Variants in CNTN1 observed in about 807,000 individuals in gnomAD.
CNTN1 encodes the protein contactin 1.
CNTN1 carries 38 observed loss-of-function variants against 126.4 expected under a neutral mutation model. The observed-to-expected ratio is 0.30, with a 90% CI of 0.23 to 0.39. CNTN1 has a LOEUF of 0.39. Ranked by LOEUF, CNTN1 falls within the 10% of genes least tolerant of loss-of-function variation. CNTN1 has a pLI of 1.00. For missense variants in CNTN1, 1,009 were observed against 1,248.4 expected (o/e 0.81, Z 2.89); for synonymous variants, 413 against 422.6 (o/e 0.98, Z 0.28).
chr12:40,983,533 T>C (rs1947875021), intron 16 of CNTN1, among the ~76,000 whole-genome samples: 1 of 151,432 alleles, frequency 6.6e-6, no homozygotes, highest in Non-Finnish European at 1.5e-5. Context: ...AATCCTGCTC[T>C]GAAGGGAAGT....
chr12:41,019,133 G>A (rs34324342), intron 19 of CNTN1, among the ~76,000 whole-genome samples: 150 of 152,222 alleles, frequency 9.9e-4, no homozygotes, highest in Non-Finnish European at 1.8e-3. Flanking sequence ...TCCAGCCTGG[G>A]CAACAAGAGC....
chr12:41,050,425 G>T (rs1949647325), intron 23 of CNTN1, among the ~76,000 whole-genome samples: 1 of 152,116 alleles, frequency 6.6e-6, no homozygotes, highest in African/African-American at 2.4e-5. Flanking sequence ...AAGCACATTT[G>T]CACACAGTGG....
intron 23 of CNTN1, among the ~76,000 whole-genome samples, chr12:41,053,634 C>T (rs1949738023): frequency 6.7e-6 from 1 of 150,316 alleles, no homozygotes; most frequent in Admixed American, 6.6e-5. Context: ...TGCTTTTGCT[C>T]CTGGGACTGA....
chr12:41,039,706 C>A (rs1251985790), intron 23 of CNTN1, among the ~76,000 whole-genome samples: 3 of 151,950 alleles, frequency 2.0e-5, no homozygotes, highest in Non-Finnish European at 2.9e-5. Context: ...ATTTGCAATG[C>A]ATACCAGCCT....
At position 40,922,715 on chromosome 12, in the gene CNTN1, G is replaced by C. The variant is rs150587172; in HGVS notation, c.400+287G>C. ...AGGCTGGGCGCGGTGGCTCACACCT[G>C]TAATCCCAGCACTTTGGGAGGCTGA... On this transcript the variant is annotated intron_variant, in intron 5 of 23. Coordinates refer to ENST00000551295, the MANE Select transcript of CNTN1 (RefSeq NM_001843.4). Among the ~76,000 whole-genome samples the C allele has an allele frequency of 7.0e-3, 1,067 of 152,242 alleles. 13 individuals carry two copies. Among genetic ancestry groups the C allele is most frequent in the African/African-American group, 0.024 (1,018 of 41,554 alleles).
In CNTN1 at chr12:40,970,596, ACT is replaced by A. The variant is rs201786083; in HGVS notation, c.1805-10310_1805-10309del. 1.0e-3 allele frequency among the ~76,000 whole-genome samples: 153 copies of A among 152,110 alleles called. 1 individual carries two copies. The East Asian group carries it at 0.017, about 17-fold the overall frequency. On this transcript the variant is annotated intron_variant, in intron 15 of 23. Transcript: ENST00000551295. ...GCGTAGGGGAATGAGGTAGGTGATCACTCTGTTAATTACATGGTTTTCTATAA... is the reference window on the plus strand; with the variant it reads ...GCGTAGGGGAATGAGGTAGGTGATCACTGTTAATTACATGGTTTTCTATAA...
chr12:40,949,031 C>T (rs771454794), intron 14 of CNTN1, among the ~76,000 whole-genome samples: 7 of 151,978 alleles, frequency 4.6e-5, no homozygotes, highest in Non-Finnish European at 1.0e-4. Context: ...CTCACCCAAA[C>T]GTTATTTTCC....
intron 1 of CNTN1, among the ~76,000 whole-genome samples, chr12:40,744,881 T>C (rs1938116804): frequency 6.6e-6 from 1 of 152,146 alleles, no homozygotes; most frequent in South Asian, 2.1e-4. Flanking sequence ...AATTACTGTT[T>C]TGGAGAACAT....
intron 15 of CNTN1, among the ~76,000 whole-genome samples, chr12:40,965,712 A>G (rs1947281211): frequency 6.6e-6 from 1 of 152,122 alleles, no homozygotes; most frequent in Non-Finnish European, 1.5e-5. Context: ...GCCATGTGAA[A>G]AGTTTGTGTA....
At chr12:40,694,302 T>C (rs1941390200) in intron 1 of CNTN1, among the ~76,000 whole-genome samples, 1 of 152,230 alleles carries the variant, frequency 6.6e-6, no homozygotes, top group East Asian at 1.9e-4. Context: ...TCATATCACA[T>C]CTATTTGTAC....
chr12:40,726,004 T>C (rs1942343158), intron 1 of CNTN1, among the ~76,000 whole-genome samples: 1 of 152,024 alleles, frequency 6.6e-6, no homozygotes, highest in Non-Finnish European at 1.5e-5. Context: ...AGTCAGCATT[T>C]GTGTAGTAAT....
chr12:40,897,335 C>T (rs992296989), intron 1 of CNTN1, among the ~76,000 whole-genome samples: 2 of 152,140 alleles, frequency 1.3e-5, no homozygotes, highest in African/African-American at 4.8e-5. Flanking sequence ...CAAGTTTTCT[C>T]TAAAGCTTCT....
chr12:41,046,134 C>T (rs1479694923), intron 23 of CNTN1, among the ~76,000 whole-genome samples: 2 of 152,060 alleles, frequency 1.3e-5, no homozygotes, highest in Non-Finnish European at 2.9e-5. Context: ...TCATCCAATG[C>T]CATAGCTTCT....
At chr12:40,812,637 T>C (rs1941107941) in intron 1 of CNTN1, among the ~76,000 whole-genome samples, 1 of 152,158 alleles carries the variant, frequency 6.6e-6, no homozygotes, top group Non-Finnish European at 1.5e-5. Context: ...AATTCACTCT[T>C]TTATCATGAT....
At chr12:40,989,044 C>G (rs559273338) in intron 16 of CNTN1, among the ~76,000 whole-genome samples, 72 of 152,292 alleles carry the variant, frequency 4.7e-4, no homozygotes, top group African/African-American at 1.6e-3. Context: ...TTGCAAGGAA[C>G]TTGGCTGAAG....
intron 1 of CNTN1, among the ~76,000 whole-genome samples, chr12:40,846,672 TTTTC>T (rs1942514814): frequency 6.9e-6 from 1 of 145,416 alleles, no homozygotes; most frequent in Non-Finnish European, 1.5e-5. Flanking sequence ...ATTACAGTCT[TTTTC>T]TTTCTAATTT....
At chr12:41,039,562 G>A (rs761665362) in intron 23 of CNTN1, among the ~76,000 whole-genome samples, 1 of 152,162 alleles carries the variant, frequency 6.6e-6, no homozygotes, top group Non-Finnish European at 1.5e-5. Flanking sequence ...AGTTCAATAT[G>A]CTAGTTCAAT....
intron 1 of CNTN1, among the ~76,000 whole-genome samples, chr12:40,802,624 C>T (rs1940698557): frequency 6.6e-6 from 1 of 151,750 alleles, no homozygotes; most frequent in Non-Finnish European, 1.5e-5. Flanking sequence ...CAAATCAGGA[C>T]CGTAAGATGT....
At chr12:40,865,666 C>T (rs1409976960) in intron 1 of CNTN1, among the ~76,000 whole-genome samples, 1 of 152,004 alleles carries the variant, frequency 6.6e-6, no homozygotes, top group Non-Finnish European at 1.5e-5. Context: ...ACTCTGAATT[C>T]TGTCCTATTG....
Sources: allele counts gnomAD v4.1 joint callset (sites outside exome capture counted in the v4.1 genomes callset), GRCh38; gene constraint gnomAD v4.1.1; transcripts MANE v1.5; gene names NCBI Gene and HGNC (gene_info 2026-07-23, HGNC 2026-07-21).